UVRAG: variants seen among roughly 807,000 people sequenced by gnomAD.
UVRAG encodes the protein UV radiation resistance-associated gene protein.
In UVRAG, 19 loss-of-function variants were observed where a neutral mutation model predicts 78.0. The ratio of observed to expected loss-of-function variants is 0.24; its 90% CI spans 0.17 to 0.36. UVRAG has a LOEUF of 0.36. UVRAG is among the 10% of genes least tolerant of loss of function. UVRAG has a pLI of 1.00. For synonymous variants in UVRAG, 323 were observed against 324.6 expected (o/e 1.00, Z 0.05); for missense variants, 740 against 853.8 (o/e 0.87, Z 1.66).
intron 6 of UVRAG, among the ~76,000 whole-genome samples, chr11:75,927,139 G>A (rs1384389697): frequency 1.3e-5 from 2 of 150,654 alleles, no homozygotes; most frequent in African/African-American, 2.5e-5. Flanking sequence ...GCGCAATCTC[G>A]GGTCACTGCA....
chr11:75,860,256 A>G (rs1268493780), intron 2 of UVRAG, among the ~76,000 whole-genome samples: 1 of 152,220 alleles, frequency 6.6e-6, no homozygotes, highest in Non-Finnish European at 1.5e-5. Flanking sequence ...CCAAGTTAAC[A>G]AAGTTTTGGA....
chr11:76,056,284 T>C (rs547767227), intron 12 of UVRAG, among the ~76,000 whole-genome samples: 5 of 152,366 alleles, frequency 3.3e-5, no homozygotes, highest in East Asian at 3.9e-4. Context: ...TTTTTGGCTA[T>C]TGTGAGTAAA....
At chr11:76,003,072 TAAAAAAAA>T (rs887153981) in intron 8 of UVRAG, among the ~76,000 whole-genome samples, 1 of 149,602 alleles carries the variant, frequency 6.7e-6, no homozygotes, top group East Asian at 2.0e-4. Context: ...AAACCCTGTC[TAAAAAAAA>T]AGAAAAAAAG....
At chr11:76,047,432 C>T (rs200244041) in intron 12 of UVRAG, among the ~76,000 whole-genome samples, 1 of 152,204 alleles carries the variant, frequency 6.6e-6, no homozygotes, top group East Asian at 1.9e-4. Context: ...ATTTTCTCCT[C>T]CCTGCCCTAT....
At chr11:75,855,726 A>G (rs901697754) in intron 2 of UVRAG, among the ~76,000 whole-genome samples, 1 of 152,166 alleles carries the variant, frequency 6.6e-6, no homozygotes, top group Non-Finnish European at 1.5e-5. Flanking sequence ...ACAGTTTTTT[A>G]TTGGAAGAAT....
chr11:76,004,650 G>A (rs1330599247), intron 9 of UVRAG, among the ~76,000 whole-genome samples: 1 of 150,666 alleles, frequency 6.6e-6, no homozygotes, highest in Non-Finnish European at 1.5e-5. Flanking sequence ...TTCATAGACA[G>A]GGTCTCACTC....
intron 1 of UVRAG, among the ~76,000 whole-genome samples, chr11:75,844,200 G>T (rs1052921852): frequency 6.6e-6 from 1 of 151,836 alleles, no homozygotes; most frequent in Non-Finnish European, 1.5e-5. Context: ...GTATTCTACC[G>T]TTAAGTTTTA....
intron 5 of UVRAG, among the ~76,000 whole-genome samples, chr11:75,895,640 T>C (rs2134959955): frequency 6.6e-6 from 1 of 152,138 alleles, no homozygotes; most frequent in South Asian, 2.1e-4. Flanking sequence ...TGTTTTTTTT[T>C]TTTTAAAGGA....
At position 75,820,317 on chromosome 11, in the gene UVRAG, C is replaced by T. The variant is rs1945358079; in HGVS notation, c.117+4793C>T. 2.0e-5 allele frequency among the ~76,000 whole-genome samples: 3 copies of T among 151,802 alleles called. No homozygotes were observed. In the South Asian group the frequency reaches 6.2e-4, roughly 31 times the overall value. ...TTATAGAAAAATTGAGAAGATAGTACAGAAAGTTCCCATATACTCTATACC... is the reference window on the plus strand; with the variant it reads ...TTATAGAAAAATTGAGAAGATAGTATAGAAAGTTCCCATATACTCTATACC... On this transcript the variant is annotated intron_variant, in intron 1 of 14. Transcript: ENST00000356136.
intron 3 of UVRAG, among the ~76,000 whole-genome samples, chr11:75,864,545 T>C (rs1048086411): frequency 1.3e-5 from 2 of 152,230 alleles, no homozygotes; most frequent in Non-Finnish European, 2.9e-5. Context: ...ACAGCAGAAT[T>C]GGTTGGTTTC....
chr11:76,134,715 A>G (rs1397292229), intron 14 of UVRAG, among the ~76,000 whole-genome samples: 1 of 152,206 alleles, frequency 6.6e-6, no homozygotes. Flanking sequence ...AACCACCACA[A>G]TTACAACTAC....
chr11:75,851,292 G>C (rs892750732), intron 1 of UVRAG, among the ~76,000 whole-genome samples: 1 of 152,202 alleles, frequency 6.6e-6, no homozygotes, highest in Non-Finnish European at 1.5e-5. Context: ...TTAGGAAGGA[G>C]GCCTGATTAT....
chr11:75,920,704 A>G (rs890974586), intron 6 of UVRAG, among the ~76,000 whole-genome samples: 3 of 152,096 alleles, frequency 2.0e-5, no homozygotes, highest in East Asian at 1.9e-4. Flanking sequence ...ATTTTTTCCC[A>G]TAGTCTCTCT....
At position 76,035,390 on chromosome 11, in the gene UVRAG, G is replaced by A. The variant is rs531269512; in HGVS notation, c.1226+18410G>A. The stretch of plus-strand genomic sequence containing the variant: ...AATTTCTATGAGAAAATGATAGATA[G>A]TATTCCTTTCTAAGATGATGCAGTT... On this transcript the variant is annotated intron_variant, in intron 12 of 14. Coordinates refer to ENST00000356136, the MANE Select transcript of UVRAG (RefSeq NM_003369.4). 1.2e-4 allele frequency among the ~76,000 whole-genome samples: 19 copies of A among 152,216 alleles called. No individual in the cohort carries two copies. The East Asian group carries it at 2.9e-3, about 23-fold the overall frequency.
chr11:75,981,108 A>G (rs1346648064), intron 7 of UVRAG, among the ~76,000 whole-genome samples: 4 of 151,928 alleles, frequency 2.6e-5, no homozygotes, highest in Non-Finnish European at 5.9e-5. Flanking sequence ...CTAATTTGGT[A>G]AGTTTTTAAA....
At chr11:75,922,463 A>G (rs1947999021) in intron 6 of UVRAG, among the ~76,000 whole-genome samples, 1 of 152,110 alleles carries the variant, frequency 6.6e-6, no homozygotes, top group Non-Finnish European at 1.5e-5. Flanking sequence ...TGGCATACAC[A>G]TTATCATCAG....
intron 7 of UVRAG, 60 bp downstream of exon 7, chr11:75,961,609 T>G: frequency 7.6e-7 from 1 of 1,323,478 alleles, no homozygotes; most frequent in Non-Finnish European, 1.0e-6. Context: ...AGTATCATAT[T>G]CTTCTAGGGT....
At chr11:75,981,437 A>G (rs1949389787) in intron 7 of UVRAG, among the ~76,000 whole-genome samples, 1 of 147,442 alleles carries the variant, frequency 6.8e-6, no homozygotes, top group African/African-American at 2.6e-5. Context: ...TTTAGCCACT[A>G]TTTCTTTTCT....
Position 76,143,715 on chromosome 11 carries a change from CTGTT to C in UVRAG, c.*2305_*2308del, listed in dbSNP as rs1176314450. On this transcript the variant is annotated 3_prime_UTR_variant, in exon 15 of 15. Coordinates refer to ENST00000356136, the MANE Select transcript of UVRAG (RefSeq NM_003369.4). Reference sequence around the variant, plus strand: ...TGGGATTACCCGTCTCCTGGAATAACTGTTTGACGTTTTCCAAAGTTGTAGAGTT... The same window carrying C: ...TGGGATTACCCGTCTCCTGGAATAACTGACGTTTTCCAAAGTTGTAGAGTT... Among the ~76,000 whole-genome samples the C allele has an allele frequency of 6.6e-6, 1 of 152,234 alleles. No homozygotes were observed. Among genetic ancestry groups the C allele is most frequent in the African/African-American group, 2.4e-5 (1 of 41,454 alleles).
Sources: gnomAD v4.1 joint callset for allele counts (sites outside exome capture counted in the v4.1 genomes callset) on GRCh38, gnomAD v4.1.1 for gene constraint, MANE v1.5 for transcripts, NCBI Gene and HGNC (gene_info 2026-07-23, HGNC 2026-07-21) for gene names.